The following NR2C1 variants were observed in gnomAD, a reference collection of about 807,000 sequenced individuals.
NR2C1 encodes nuclear receptor subfamily 2 group C member 1.
A neutral mutation model predicts 74.8 loss-of-function variants in NR2C1; 33 were observed. That is an observed-to-expected ratio of 0.44 (90% CI 0.33 to 0.59). The LOEUF (loss-of-function observed/expected upper bound fraction) is 0.59. Among genes scored for constraint, NR2C1 ranks in the 20% least tolerant of loss-of-function variants. NR2C1 has a pLI of 0.02. For missense variants in NR2C1, 568 were observed against 715.6 expected (o/e 0.79, Z 2.35); for synonymous variants, 225 against 240.6 (o/e 0.94, Z 0.60).
Position 95,025,120 on chromosome 12 carries a change from TTTAA to T in NR2C1, c.1637+26_1637+29del, listed in dbSNP as rs749513368. ...GATCCACAAAAGGTTTTTCAATTAT[TTTAA>T]TTATATAGAATTTAACTCTAGATAC... is the stretch of plus-strand genomic sequence containing the variant. On this transcript the variant is annotated intron_variant, in intron 13 of 13. Transcript: ENST00000333003. 5.4e-5 allele frequency: 55 copies of T among 1,025,286 alleles called. 1 individual carries two copies. The South Asian group carries it at 8.2e-4, about 15-fold the overall frequency. 63.5% of individuals were successfully genotyped at this position (1,025,286 alleles called of 1,614,324 possible). A position where few individuals can be genotyped will look rare whatever the true frequency, so the allele number is the denominator to read the frequency against.
intron 2 of NR2C1, among the ~76,000 whole-genome samples, chr12:95,064,485 G>T (rs1282998118): frequency 6.6e-6 from 1 of 151,896 alleles, no homozygotes. Flanking sequence ...AATTAAATTG[G>T]GATTTACTTA....
At chr12:95,040,888 C>G (rs547517109) in intron 9 of NR2C1, among the ~76,000 whole-genome samples, 52 of 152,288 alleles carry the variant, frequency 3.4e-4, no homozygotes, top group African/African-American at 9.9e-4. Context: ...CAATATGTTT[C>G]TTTTCCTTCC....
chr12:95,049,162 A>G lies in NR2C1; in HGVS notation c.1037T>C (p.Met346Thr). The G allele has an allele frequency of 6.2e-7, 1 of 1,614,080 alleles. No homozygotes were observed. The highest frequency in any genetic ancestry group is 8.5e-7 in the Non-Finnish European group (1 of 1,179,980). Residue 346 changes from methionine (M) to threonine (T), a missense_variant, in exon 9 of 14, where the codon ATG becomes ACG. Physicochemically the swap from Met to Thr is moderately conservative, Grantham distance 81. Transcript: ENST00000333003. ...AGTGATTAGGTGTACACTTCCTTCC[A>G]TGCCCGCTACTGAGCTCTGGCAGGC... is the stretch of plus-strand genomic sequence containing the variant. ...STACQSSVAGMEGSVHLITGD... is the reference protein window; with the variant it reads ...STACQSSVAGTEGSVHLITGD...
chr12:95,072,297 CAA>C (rs769410702), intron 1 of NR2C1, among the ~76,000 whole-genome samples: 2 of 121,324 alleles, frequency 1.6e-5, no homozygotes, highest in African/African-American at 8.4e-5. Context: ...AAAACAAAAA[CAA>C]AAAAACTAGC....
intron 10 of NR2C1, among the ~76,000 whole-genome samples, chr12:95,031,960 T>TG (rs1870171311): frequency 6.6e-6 from 1 of 152,174 alleles, no homozygotes; most frequent in Non-Finnish European, 1.5e-5. Flanking sequence ...CTCCACCTCC[T>TG]GGGTTAAAGC....
intron 2 of NR2C1, among the ~76,000 whole-genome samples, chr12:95,066,604 A>C (rs1301058047): frequency 6.6e-6 from 1 of 152,196 alleles, no homozygotes; most frequent in Non-Finnish European, 1.5e-5. Flanking sequence ...GTCATAAACT[A>C]TATTAAAATC....
chr12:95,026,984 T>C (rs1243112635), intron 12 of NR2C1: 6 of 152,186 alleles, frequency 3.9e-5, no homozygotes, highest in Non-Finnish European at 8.8e-5. Context: ...CATTTAGTAA[T>C]GCCTAAAAAA....
At chr12:95,056,894 G>T (rs1000798875) in intron 7 of NR2C1, among the ~76,000 whole-genome samples, 4 of 150,640 alleles carry the variant, frequency 2.7e-5, no homozygotes, top group African/African-American at 9.8e-5. Flanking sequence ...GGGAAGCGGA[G>T]CTTGCAGTGA....
intron 1 of NR2C1, among the ~76,000 whole-genome samples, chr12:95,071,300 T>C (rs147025865): frequency 2.1e-4 from 32 of 152,348 alleles, no homozygotes; most frequent in African/African-American, 7.5e-4. Flanking sequence ...TTAGCTAGGA[T>C]TCAGAAATAG....
Position 95,037,798 on chromosome 12 carries a change from G to C in NR2C1, c.1253+2678C>G, listed in dbSNP as rs145941901. 5.3e-3 allele frequency among the ~76,000 whole-genome samples: 804 copies of C among 151,840 alleles called. 64 individuals are homozygous for C. The East Asian group carries it at 0.14, about 26-fold the overall frequency. On this transcript the variant is annotated intron_variant, in intron 10 of 13. Transcript: ENST00000333003. ...TAGTCCCAGCTACTTGGGAGGCTGA[G>C]GCAGGAGAATGGCCTGAACCCGGGA... is the stretch of plus-strand genomic sequence containing the variant.
chr12:95,020,698 C>T lies in NR2C1; in HGVS notation c.*1531G>A, dbSNP rs1332625643. 3 of 152,220 alleles carry T rather than the reference C, an allele frequency of 2.0e-5. No homozygotes were observed. The highest frequency in any genetic ancestry group is 2.1e-4 in the South Asian group (1 of 4,826). The allele number at this position is 152,220 out of a possible 1,614,324, so 9.4% of individuals were successfully genotyped here. The stretch of plus-strand genomic sequence containing the variant: ...AAAAATGTACTCTGAGTGCATTATC[C>T]GTGTTTGCTTTAAAAATCAACAAAC... On this transcript the variant is annotated 3_prime_UTR_variant, in exon 14 of 14. Coordinates refer to ENST00000333003, the MANE Select transcript of NR2C1 (RefSeq NM_003297.4).
In NR2C1 at chr12:95,043,689, C is replaced by CAAAAAAAAAAAAAAAAAAAAA. The variant is rs34229669; in HGVS notation, c.1132-3093_1132-3092insTTTTTTTTTTTTTTTTTTTTT. Among the ~76,000 whole-genome samples the CAAAAAAAAAAAAAAAAAAAAA allele has an allele frequency of 1.1e-4, 10 of 94,260 alleles. No individual in the cohort carries two copies. In the East Asian group the frequency reaches 1.5e-3, roughly 14 times the overall value. The allele number at this position is 94,260 out of a possible 152,430, so 61.8% of individuals were successfully genotyped here. A position where few individuals can be genotyped will look rare whatever the true frequency, so the allele number is the denominator to read the frequency against. ...TGGGAGACAGAGCAAGACTCTGTCT[C>CAAAAAAAAAAAAAAAAAAAAA]AAAAAAAAAAAAAATCCTTTGCAAA... On this transcript the variant is annotated intron_variant, in intron 9 of 13. Transcript: ENST00000333003.
At position 95,040,457 on chromosome 12, in the gene NR2C1, A is replaced by C. The variant is rs746518945; in HGVS notation, c.1253+19T>G. On this transcript the variant is annotated intron_variant, in intron 10 of 13. Transcript: ENST00000333003. Reference sequence around the variant, plus strand: ...GCACTACAAAATCACATTTATATTCAAGATTTCAAAACACTCACCCTAGAG... The same window carrying C: ...GCACTACAAAATCACATTTATATTCCAGATTTCAAAACACTCACCCTAGAG... The C allele has an allele frequency of 4.6e-5, 73 of 1,588,420 alleles. No homozygotes were observed. Among genetic ancestry groups the C allele is most frequent in the Non-Finnish European group, 6.2e-5 (73 of 1,169,058 alleles).
intron 10 of NR2C1, among the ~76,000 whole-genome samples, chr12:95,032,930 T>C (rs1437841714): frequency 6.6e-6 from 1 of 152,136 alleles, no homozygotes; most frequent in Admixed American, 6.5e-5. Flanking sequence ...ATCACACCAC[T>C]GCACTCCAGC....
intron 8 of NR2C1, among the ~76,000 whole-genome samples, chr12:95,051,424 G>A (rs1410401853): frequency 4.6e-5 from 7 of 152,172 alleles, no homozygotes; most frequent in Non-Finnish European, 8.8e-5. Context: ...CATGCCAATG[G>A]CAAGTTCCCC....
At position 95,022,294 on chromosome 12, in the gene NR2C1, T is replaced by A; in HGVS notation, c.1747A>T (p.Ile583Phe). 6.2e-7 allele frequency: 1 copy of A among 1,613,258 alleles called. No homozygotes were observed. Among genetic ancestry groups the A allele is most frequent in the Non-Finnish European group, 8.5e-7 (1 of 1,179,708 alleles). Residue 583 changes from isoleucine to phenylalanine, a missense_variant, in exon 14 of 14, where the codon ATC becomes TTC. Ile to Phe is a conservative substitution (Grantham distance 21). Around this residue, in one of 6 missense-constraint regions of NR2C1, gnomAD observed 117 missense variants for 186.7 expected, o/e 0.63. Coordinates refer to ENST00000333003, the MANE Select transcript of NR2C1 (RefSeq NM_003297.4). Reference protein sequence around the residue: ...LIGNIRIDSVIPHILKMEPAD... With the variant: ...LIGNIRIDSVFPHILKMEPAD... ...GGCTCCATTTTCAAAATATGTGGGA[T>A]AACACTGTCAATTCGTATATTGCCA... is the stretch of plus-strand genomic sequence containing the variant.
intron 10 of NR2C1, among the ~76,000 whole-genome samples, chr12:95,039,582 T>C (rs557535421): frequency 6.6e-6 from 1 of 152,234 alleles, no homozygotes; most frequent in Non-Finnish European, 1.5e-5. Flanking sequence ...TTGAGTTTCT[T>C]ATAGTAGGCC....
chr12:95,034,297 T>TA lies in NR2C1; in HGVS notation c.1254-2810dup, dbSNP rs562924311. Reference sequence around the variant, plus strand: ...CAAGAAACTGCCTGTCATTTGAAAGTAAAGTTTAAATGCAAAGAAAACCGG... The same window carrying TA: ...CAAGAAACTGCCTGTCATTTGAAAGTAAAAGTTTAAATGCAAAGAAAACCGG... On this transcript the variant is annotated intron_variant, in intron 10 of 13. Transcript: ENST00000333003. Among the ~76,000 whole-genome samples the TA allele has an allele frequency of 2.2e-4, 33 of 152,216 alleles. No homozygotes were observed. In the East Asian group the frequency reaches 6.0e-3, roughly 28 times the overall value.
At chr12:95,054,752 T>C (rs1762467410) in intron 7 of NR2C1, among the ~76,000 whole-genome samples, 1 of 152,198 alleles carries the variant, frequency 6.6e-6, no homozygotes, top group Non-Finnish European at 1.5e-5. Context: ...ACTAGATTCT[T>C]TTTTATTTTA....
Sources: gnomAD v4.1 joint callset for allele counts (sites outside exome capture counted in the v4.1 genomes callset) on GRCh38, gnomAD v4.1.1 for gene constraint, gnomAD v4.1.1 regional missense constraint, MANE v1.5 for transcripts, NCBI Gene and HGNC (gene_info 2026-07-23, HGNC 2026-07-21) for gene names.